Variants in DLG2 observed in about 807,000 individuals in gnomAD.
DLG2 encodes disks large homolog 2.
Under a neutral mutation model 132.5 loss-of-function variants are expected in DLG2, and 45 were observed. The ratio of observed to expected loss-of-function variants is 0.34; its 90% CI spans 0.27 to 0.44. The LOEUF (loss-of-function observed/expected upper bound fraction) is 0.44. DLG2 is among the 20% of genes least tolerant of loss of function. The pLI is 1.00. For synonymous variants in DLG2, 424 were observed against 419.6 expected (o/e 1.01, Z -0.13); for missense variants, 1,045 against 1,196.9 (o/e 0.87, Z 1.87).
At chr11:85,102,721 G>A (rs1258387695) in intron 6 of DLG2, among the ~76,000 whole-genome samples, 2 of 151,938 alleles carry the variant, frequency 1.3e-5, no homozygotes, top group Non-Finnish European at 2.9e-5. Flanking sequence ...CTAAAGTCAA[G>A]GAGGTCTGCT....
chr11:85,414,654 AC>A (rs1167444663), intron 3 of DLG2, among the ~76,000 whole-genome samples: 1 of 151,792 alleles, frequency 6.6e-6, no homozygotes, highest in Non-Finnish European at 1.5e-5. Flanking sequence ...TTCTTTGTTG[AC>A]TTTCTCTCTT....
chr11:83,907,170 T>C lies in DLG2; in HGVS notation c.1496+23158A>G, dbSNP rs963829155. Among the ~76,000 whole-genome samples, 5 of 152,102 alleles carry C rather than the reference T, an allele frequency of 3.3e-5. No individual in the cohort carries two copies. In the East Asian group the frequency reaches 5.8e-4, roughly 18 times the overall value. Reference sequence around the variant, plus strand: ...AAAGAAGAAATGAGAGAACATTTAATGTGGGAGAAACATCTTGAGAAAGAA... The same window carrying C: ...AAAGAAGAAATGAGAGAACATTTAACGTGGGAGAAACATCTTGAGAAAGAA... On this transcript the variant is annotated intron_variant, in intron 15 of 27. Transcript: ENST00000376104.
chr11:83,561,674 T>G (rs1166929033), intron 19 of DLG2, among the ~76,000 whole-genome samples: 2 of 152,204 alleles, frequency 1.3e-5, no homozygotes, highest in Admixed American at 1.3e-4. Context: ...ATTTAGTCCT[T>G]GTGGTAATCC....
chr11:85,380,017 A>C (rs941373035), intron 3 of DLG2, among the ~76,000 whole-genome samples: 1 of 152,216 alleles, frequency 6.6e-6, no homozygotes, highest in Non-Finnish European at 1.5e-5. Context: ...GTATCAACAA[A>C]ATATAAAAGT....
chr11:83,625,031 A>G (rs898908333), intron 19 of DLG2, among the ~76,000 whole-genome samples: 2 of 152,218 alleles, frequency 1.3e-5, no homozygotes, highest in African/African-American at 4.8e-5. Flanking sequence ...CTGCTGCAAC[A>G]TATCATAGTC....
At chr11:84,317,440 A>G (rs1488600627) in intron 7 of DLG2, 2 of 1,069,824 alleles carry the variant, frequency 1.9e-6, no homozygotes, top group Non-Finnish European at 2.4e-6. Flanking sequence ...CAGCTGGGCT[A>G]CAAGACTGTA....
intron 7 of DLG2, among the ~76,000 whole-genome samples, chr11:84,512,505 G>C (rs528293026): frequency 1.1e-4 from 16 of 152,156 alleles, no homozygotes; most frequent in African/African-American, 3.4e-4. Flanking sequence ...TTTTGAACAA[G>C]AGTTGTTTCT....
At chr11:84,201,521 G>T (rs1010482690) in intron 8 of DLG2, among the ~76,000 whole-genome samples, 3 of 151,240 alleles carry the variant, frequency 2.0e-5, no homozygotes, top group Non-Finnish European at 2.9e-5. Context: ...AGTAGAAATC[G>T]TATCAGCTCT....
intron 3 of DLG2, among the ~76,000 whole-genome samples, chr11:85,364,827 A>C (rs757004836): frequency 1.7e-4 from 26 of 152,096 alleles, no homozygotes; most frequent in Non-Finnish European, 3.4e-4. Context: ...CATTCTTTTA[A>C]TTTAGTTTTA....
chr11:84,656,477 G>T (rs2099688443), intron 6 of DLG2, among the ~76,000 whole-genome samples: 1 of 152,166 alleles, frequency 6.6e-6, no homozygotes, highest in African/African-American at 2.4e-5. Flanking sequence ...GCCAAATGTA[G>T]TGGAAGAGAA....
intron 6 of DLG2, among the ~76,000 whole-genome samples, chr11:84,788,190 G>C (rs1345173735): frequency 6.6e-6 from 1 of 150,698 alleles, no homozygotes. Context: ...GTAGCCAGCA[G>C]GTAAAAACAA....
intron 2 of DLG2, among the ~76,000 whole-genome samples, chr11:85,619,683 A>C (rs2081569469): frequency 6.6e-6 from 1 of 152,044 alleles, no homozygotes; most frequent in Non-Finnish European, 1.5e-5. Flanking sequence ...AAAATGAAAA[A>C]ATTAGCCAGG....
chr11:84,353,918 G>T (rs1357384079), intron 7 of DLG2, among the ~76,000 whole-genome samples: 1 of 151,982 alleles, frequency 6.6e-6, no homozygotes, highest in Non-Finnish European at 1.5e-5. Flanking sequence ...CTCCCTGATT[G>T]GTCAGATAGC....
At chr11:85,554,726 G>C (rs549644007) in intron 3 of DLG2, among the ~76,000 whole-genome samples, 1 of 150,238 alleles carries the variant, frequency 6.7e-6, no homozygotes, top group Admixed American at 6.6e-5. Flanking sequence ...TTCTATGATC[G>C]TTTATTGCAC....
At chr11:85,209,397 T>A (rs1429620123) in intron 4 of DLG2, among the ~76,000 whole-genome samples, 1 of 148,550 alleles carries the variant, frequency 6.7e-6, no homozygotes, top group Non-Finnish European at 1.5e-5. Context: ...CAATTCTGAT[T>A]TAATGCCTCC....
intron 5 of DLG2, among the ~76,000 whole-genome samples, chr11:85,150,146 A>G (rs2077139386): frequency 6.9e-6 from 1 of 145,414 alleles, no homozygotes; most frequent in Non-Finnish European, 1.5e-5. Flanking sequence ...CGGCCTCCCC[A>G]GTAGCTGGGA....
intron 7 of DLG2, among the ~76,000 whole-genome samples, chr11:84,471,594 G>A (rs1163972779): frequency 6.6e-6 from 1 of 151,724 alleles, no homozygotes; most frequent in Non-Finnish European, 1.5e-5. Flanking sequence ...GGATTCCGTA[G>A]CAGCAATTTT....
At chr11:85,474,640 T>C (rs369015227) in intron 3 of DLG2, among the ~76,000 whole-genome samples, 16 of 152,076 alleles carry the variant, frequency 1.1e-4, no homozygotes, top group African/African-American at 2.4e-4. Flanking sequence ...CTGTATCCAA[T>C]AGACCTTTCA....
intron 9 of DLG2, among the ~76,000 whole-genome samples, chr11:84,128,974 T>G (rs1422625300): frequency 1.3e-5 from 2 of 152,156 alleles, no homozygotes; most frequent in Admixed American, 1.3e-4. Context: ...GTCTTTTTAT[T>G]TCAGCCTAAT....
Sources: allele counts gnomAD v4.1 joint callset (sites outside exome capture counted in the v4.1 genomes callset), GRCh38; gene constraint gnomAD v4.1.1; transcripts MANE v1.5; gene names NCBI Gene and HGNC (gene_info 2026-07-23, HGNC 2026-07-21).